The following SLC4A4 variants were observed in gnomAD, a reference collection of about 807,000 sequenced individuals.
SLC4A4 encodes the protein solute carrier family 4 member 4.
A neutral mutation model predicts 111.5 loss-of-function variants in SLC4A4; 27 were observed. The ratio of observed to expected loss-of-function variants is 0.24; its 90% CI spans 0.18 to 0.33. SLC4A4 has a LOEUF of 0.33. Among genes scored for constraint, SLC4A4 ranks in the 10% least tolerant of loss-of-function variants. The pLI is 1.00. For missense variants in SLC4A4, 909 were observed against 1,315.5 expected (o/e 0.69, Z 4.78); for synonymous variants, 443 against 463.4 (o/e 0.96, Z 0.57).
intron 1 of SLC4A4, 48 bp from the exon 2 acceptor site, chr4:71,236,528 G>C (rs745405100): frequency 6.4e-7 from 1 of 1,551,706 alleles, no homozygotes; most frequent in Admixed American, 1.7e-5. Context: ...CAAGTGGCTC[G>C]CTCCAGGAGA....
At chr4:71,361,467 G>A (rs1428093248) in intron 6 of SLC4A4, among the ~76,000 whole-genome samples, 1 of 152,176 alleles carries the variant, frequency 6.6e-6, no homozygotes, top group African/African-American at 2.4e-5. Context: ...TGAGACATGT[G>A]TAAATTCTAT....
At chr4:71,401,866 A>G (rs1238795139) in intron 7 of SLC4A4, among the ~76,000 whole-genome samples, 1 of 152,212 alleles carries the variant, frequency 6.6e-6, no homozygotes, top group African/African-American at 2.4e-5. Flanking sequence ...CAGTAGATGT[A>G]GAAATAGCCT....
At chr4:71,412,821 CTGTA>C (rs1252428441) in intron 7 of SLC4A4, among the ~76,000 whole-genome samples, 1 of 152,122 alleles carries the variant, frequency 6.6e-6, no homozygotes, top group East Asian at 1.9e-4. Flanking sequence ...AAGCAAATGA[CTGTA>C]TGTTAGGAAT....
chr4:71,138,961 G>A (rs1465202243), intron 2 of SLC4A4, among the ~76,000 whole-genome samples: 3 of 151,108 alleles, frequency 2.0e-5, no homozygotes, highest in Admixed American at 6.6e-5. Flanking sequence ...GTGTGAACCC[G>A]GGAGGCGGAG....
intron 6 of SLC4A4, among the ~76,000 whole-genome samples, chr4:71,395,106 T>A (rs1719691153): frequency 1.3e-5 from 2 of 152,048 alleles, no homozygotes; most frequent in Non-Finnish European, 1.5e-5. Context: ...CTGGTGTGAG[T>A]GTCAATAATC....
intron 14 of SLC4A4, chr4:71,473,337 T>C: frequency 3.7e-6 from 2 of 538,980 alleles, no homozygotes; most frequent in East Asian, 5.7e-5. Context: ...TGCTGCTTCT[T>C]TATTGGTGTA....
chr4:71,448,965 C>T (rs1314347939), intron 9 of SLC4A4, among the ~76,000 whole-genome samples: 1 of 152,024 alleles, frequency 6.6e-6, no homozygotes, highest in African/African-American at 2.4e-5. Flanking sequence ...TTATTTTTTG[C>T]ATTTTTGTAA....
Position 71,293,026 on chromosome 4 carries a change from A to G in SLC4A4, c.253+37627A>G, listed in dbSNP as rs568078721. Among the ~76,000 whole-genome samples, 39 of 150,168 alleles carry G rather than the reference A, an allele frequency of 2.6e-4. No individual in the cohort carries two copies. In the East Asian group the frequency reaches 7.4e-3, roughly 29 times the overall value. On this transcript the variant is annotated intron_variant, in intron 3 of 25. Transcript: ENST00000264485. ...CCGGCTAATTTTTTGTATTTTTAGT[A>G]GAGATGGGGTTTCACCATCTTGGCC...
intron 1 of SLC4A4, among the ~76,000 whole-genome samples, chr4:71,092,721 T>C (rs1052773920): frequency 1.4e-4 from 21 of 152,234 alleles, no homozygotes; most frequent in Admixed American, 1.2e-3. Context: ...GTTATTTTTC[T>C]TTTTACAGAT....
chr4:71,335,391 A>G (rs927537487), intron 3 of SLC4A4, among the ~76,000 whole-genome samples: 1 of 152,168 alleles, frequency 6.6e-6, no homozygotes, highest in East Asian at 1.9e-4. Flanking sequence ...CCAGACTCCA[A>G]ATTCTGCCTG....
chr4:71,543,531 T>C (rs1361035655), intron 18 of SLC4A4, among the ~76,000 whole-genome samples: 2 of 152,126 alleles, frequency 1.3e-5, no homozygotes, highest in Admixed American at 6.6e-5. Flanking sequence ...ATCTAAAATC[T>C]TCATTTCACC....
chr4:71,309,119 A>G (rs769931347), intron 3 of SLC4A4, among the ~76,000 whole-genome samples: 1 of 152,134 alleles, frequency 6.6e-6, no homozygotes, highest in Admixed American at 6.6e-5. Flanking sequence ...ACGTAACTCA[A>G]CACAGCACAG....
intron 16 of SLC4A4, among the ~76,000 whole-genome samples, chr4:71,522,324 C>T (rs537800764): frequency 8.5e-5 from 13 of 152,268 alleles, no homozygotes; most frequent in African/African-American, 2.2e-4. Context: ...AGGGCATTAA[C>T]ATGAAATGTT....
chr4:71,350,149 A>G (rs1578893088), intron 5 of SLC4A4, 77 bp downstream of exon 5: 1 of 1,374,320 alleles, frequency 7.3e-7, no homozygotes, highest in East Asian at 2.3e-5. Flanking sequence ...GCAGATGACT[A>G]GTACTGTAAG....
intron 2 of SLC4A4, among the ~76,000 whole-genome samples, chr4:71,123,835 T>C (rs1743495300): frequency 6.6e-6 from 1 of 152,206 alleles, no homozygotes; most frequent in Non-Finnish European, 1.5e-5. Context: ...CTGTCTGAGA[T>C]GGTTTTAACT....
At chr4:71,443,439 C>T (rs997709148) in intron 8 of SLC4A4, among the ~76,000 whole-genome samples, 4 of 151,890 alleles carry the variant, frequency 2.6e-5, no homozygotes, top group Admixed American at 1.3e-4. Context: ...CATGAGCCAC[C>T]GTGCCCAGCC....
At chr4:71,270,329 A>G (rs1249479532) in intron 3 of SLC4A4, among the ~76,000 whole-genome samples, 1 of 152,136 alleles carries the variant, frequency 6.6e-6, no homozygotes, top group Non-Finnish European at 1.5e-5. Context: ...ACCTCAGGTG[A>G]TCCGCCCGCC....
rs1228078835 is a variant in SLC4A4 at position 71,193,439 on chromosome 4, G to T, written c.-2+6038G>T. 2.0e-5 allele frequency among the ~76,000 whole-genome samples: 3 copies of T among 152,202 alleles called. No individual in the cohort carries two copies. The East Asian group carries it at 5.8e-4, about 29-fold the overall frequency. ...CTCCCAAAGTGCTGAGATTACAGGC[G>T]TGAGCCACCGCGCCCGGCCCATGTG... On this transcript the variant is annotated intron_variant, in intron 1 of 25. Coordinates refer to ENST00000264485, the MANE Select transcript of SLC4A4 (RefSeq NM_001098484.3).
In SLC4A4 at chr4:71,097,058, C is replaced by T. The variant is rs367666007; in HGVS notation, c.-2+4266C>T. On this transcript the variant is annotated intron_variant, in intron 2 of 26. Coordinates refer to the SLC4A4 transcript ENST00000649996. ...TGTTTTAGGTTTAGGGGTACATTTA[C>T]AGGTTTGCTATATAGGCCAACTCAT... Among the ~76,000 whole-genome samples, 196 of 152,254 alleles carry T rather than the reference C, an allele frequency of 1.3e-3. 1 individual carries two copies. The highest frequency in any genetic ancestry group is 4.6e-3 in the African/African-American group (191 of 41,552).
Sources: allele counts gnomAD v4.1 joint callset (sites outside exome capture counted in the v4.1 genomes callset), GRCh38; gene constraint gnomAD v4.1.1; transcripts MANE v1.5; gene names NCBI Gene and HGNC (gene_info 2026-07-23, HGNC 2026-07-21).